The following CRISPLD2 variants were observed in gnomAD, a reference collection of about 807,000 sequenced individuals.
CRISPLD2 encodes cysteine rich secretory protein LCCL domain containing 2.
Under a neutral mutation model 71.1 loss-of-function variants are expected in CRISPLD2, and 47 were observed. The observed-to-expected ratio is 0.66, with a 90% confidence interval of 0.52 to 0.84. The LOEUF (loss-of-function observed/expected upper bound fraction) is 0.84. Ranked by LOEUF, CRISPLD2 falls within the 40% of genes least tolerant of loss-of-function variation. The pLI, the probability that CRISPLD2 is intolerant of heterozygous loss-of-function variation, is 0.00. For missense variants in CRISPLD2, 830 were observed against 651.1 expected (o/e 1.27, Z -2.99); for synonymous variants, 317 against 250.1 (o/e 1.27, Z -2.52).
chr16:84,884,373 G>A (rs1443530370), intron 13 of CRISPLD2, among the ~76,000 whole-genome samples: 1 of 152,184 alleles, frequency 6.6e-6, no homozygotes, highest in Non-Finnish European at 1.5e-5. Context: ...GTCAATGCAC[G>A]TGAAATGCAT....
At chr16:84,845,345 C>A (rs1286907207) in intron 2 of CRISPLD2, among the ~76,000 whole-genome samples, 1 of 152,150 alleles carries the variant, frequency 6.6e-6, no homozygotes, top group Non-Finnish European at 1.5e-5. Flanking sequence ...CTGGATCATG[C>A]GTAGTAAGGA....
chr16:84,832,538 G>A (rs753559270), intron 1 of CRISPLD2, among the ~76,000 whole-genome samples: 11 of 152,268 alleles, frequency 7.2e-5, no homozygotes, highest in Non-Finnish European at 1.0e-4. Context: ...ACGCTTCGGC[G>A]GTGAACGAGA....
At chr16:84,862,095 C>G (rs1253944716) in intron 6 of CRISPLD2, among the ~76,000 whole-genome samples, 2 of 152,156 alleles carry the variant, frequency 1.3e-5, no homozygotes, top group East Asian at 1.9e-4. Context: ...ATTGGCCTCC[C>G]CTTTATGCAT....
At chr16:84,852,174 G>A (rs576052425) in intron 5 of CRISPLD2, among the ~76,000 whole-genome samples, 6 of 152,200 alleles carry the variant, frequency 3.9e-5, no homozygotes, top group Admixed American at 1.3e-4. Context: ...TGTTGACGTC[G>A]TTTAACCTTA....
chr16:84,822,212 C>G (rs1187113044), intron 1 of CRISPLD2, among the ~76,000 whole-genome samples: 5 of 152,246 alleles, frequency 3.3e-5, no homozygotes, highest in Admixed American at 2.6e-4. Flanking sequence ...CAAATCAGTG[C>G]TGGTTCTGAG....
At chr16:84,865,849 G>A (rs1018080445) in intron 6 of CRISPLD2, among the ~76,000 whole-genome samples, 1 of 152,164 alleles carries the variant, frequency 6.6e-6, no homozygotes, top group Non-Finnish European at 1.5e-5. Context: ...TAAGTGCAAT[G>A]TGTTTGGTTA....
At chr16:84,829,706 A>G (rs1916440469) in intron 1 of CRISPLD2, among the ~76,000 whole-genome samples, 1 of 152,246 alleles carries the variant, frequency 6.6e-6, no homozygotes, top group Non-Finnish European at 1.5e-5. Flanking sequence ...ACCAGGGCGT[A>G]GTGAATGAAT....
At chr16:84,824,965 G>A (rs375215603) in intron 1 of CRISPLD2, among the ~76,000 whole-genome samples, 21 of 152,150 alleles carry the variant, frequency 1.4e-4, no homozygotes, top group East Asian at 7.7e-4. Context: ...TTAGCCGGGC[G>A]TGGTGGCAGG....
At chr16:84,842,058 C>T (rs1173391523) in intron 2 of CRISPLD2, 1 of 152,546 alleles carries the variant, frequency 6.6e-6, no homozygotes, top group Non-Finnish European at 1.5e-5. Flanking sequence ...GAGGCATTGC[C>T]CATGGGTCAG....
At position 84,876,266 on chromosome 16, in the gene CRISPLD2, T is replaced by C. The variant is rs1191495472; in HGVS notation, c.1157-1172T>C. Among the ~76,000 whole-genome samples the C allele has an allele frequency of 5.3e-5, 8 of 152,272 alleles. No individual in the cohort carries two copies. The East Asian group carries it at 1.5e-3, about 29-fold the overall frequency. ...CCTATAATCCCAGCACTTTGAGACGTCCAGGCAGATGGGTCACCTGAGGTC... is the reference window on the plus strand; with the variant it reads ...CCTATAATCCCAGCACTTTGAGACGCCCAGGCAGATGGGTCACCTGAGGTC... On this transcript the variant is annotated intron_variant, in intron 11 of 14. Transcript: ENST00000262424.
chr16:84,842,783 T>C (rs1465636817), intron 2 of CRISPLD2, among the ~76,000 whole-genome samples: 3 of 152,174 alleles, frequency 2.0e-5, no homozygotes, highest in Non-Finnish European at 4.4e-5. Flanking sequence ...CATGGGAACG[T>C]TGAGACCCAT....
At chr16:84,880,724 G>A (rs1387324203) in intron 13 of CRISPLD2, 140 bp downstream of exon 13, 3 of 549,694 alleles carry the variant, frequency 5.5e-6, no homozygotes, top group South Asian at 2.4e-5. Context: ...AATTAATTTC[G>A]AGATGGAGTC....
rs116235539 is a variant in CRISPLD2, at chr16:84,850,829, G to A, written c.608+146G>A. 1,220 of 652,376 alleles carry A rather than the reference G, an allele frequency of 1.9e-3. 10 individuals are homozygous for A. The African/African-American group carries it at 0.02, about 11-fold the overall frequency. The allele number at this position is 652,376 out of a possible 1,614,324, so 40.4% of individuals were successfully genotyped here. A position where few individuals can be genotyped will look rare whatever the true frequency, so the allele number is the denominator to read the frequency against. ...TAGAGTTTAGTGCATCTGGGTTAGC[G>A]TAATAGCTAAGCAGTGTCAACAAGG... On this transcript the variant is annotated intron_variant, in intron 5 of 14. Coordinates refer to ENST00000262424, the MANE Select transcript of CRISPLD2 (RefSeq NM_031476.4).
intron 13 of CRISPLD2, among the ~76,000 whole-genome samples, chr16:84,886,726 G>C (rs928341756): frequency 6.6e-6 from 1 of 152,212 alleles, no homozygotes; most frequent in Non-Finnish European, 1.5e-5. Context: ...GAGAAGCTGA[G>C]GTGGGAGGAG....
chr16:84,900,666 C>A (rs1167203601), intron 14 of CRISPLD2, among the ~76,000 whole-genome samples: 1 of 152,060 alleles, frequency 6.6e-6, no homozygotes, highest in African/African-American at 2.4e-5. Context: ...GTCCTTTGGT[C>A]CAGCAATTCC....
At chr16:84,842,953 G>A (rs1916815555) in intron 2 of CRISPLD2, among the ~76,000 whole-genome samples, 1 of 152,178 alleles carries the variant, frequency 6.6e-6, no homozygotes, top group South Asian at 2.1e-4. Context: ...AGCAGGCTGG[G>A]TTCATGCTGG....
At chr16:84,835,493 G>A (rs7193354) in intron 1 of CRISPLD2, among the ~76,000 whole-genome samples, 24,069 of 151,296 alleles carry the variant, frequency 0.16, 2,022 homozygotes, top group Middle Eastern at 0.24. Context: ...GGGACCCTCC[G>A]ACCCACCCCC....
intron 1 of CRISPLD2, among the ~76,000 whole-genome samples, chr16:84,826,777 G>T (rs541404916): frequency 4.6e-5 from 7 of 152,164 alleles, no homozygotes; most frequent in Non-Finnish European, 7.4e-5. Context: ...AGGCCCCACC[G>T]CCAGCTGGAC....
chr16:84,900,357 TG>T (rs2071742539), intron 14 of CRISPLD2, among the ~76,000 whole-genome samples: 1 of 152,110 alleles, frequency 6.6e-6, no homozygotes, highest in Non-Finnish European at 1.5e-5. Context: ...GTTTCCAATC[TG>T]GGGGCTCTCT....
Sources: allele counts gnomAD v4.1 joint callset (sites outside exome capture counted in the v4.1 genomes callset), GRCh38; gene constraint gnomAD v4.1.1; transcripts MANE v1.5; gene names NCBI Gene and HGNC (gene_info 2026-07-23, HGNC 2026-07-21).